The following RCC2 variants were observed in gnomAD, a reference collection of about 807,000 sequenced individuals.
The protein encoded by RCC2 is protein RCC2.
Under a neutral mutation model 64.1 loss-of-function variants are expected in RCC2, and 19 were observed. The ratio of observed to expected loss-of-function variants is 0.30; its 90% CI spans 0.21 to 0.44. RCC2 has a LOEUF of 0.44. Ranked by LOEUF, RCC2 falls within the 20% of genes least tolerant of loss-of-function variation. The pLI, the probability that RCC2 is intolerant of heterozygous loss-of-function variation, is 1.00. For missense variants in RCC2, 508 were observed against 710.4 expected (o/e 0.72, Z 3.24); for synonymous variants, 325 against 279.6 (o/e 1.16, Z -1.62).
intron 2 of RCC2, among the ~76,000 whole-genome samples, chr1:17,430,700 A>C (rs1403526503): frequency 6.6e-6 from 1 of 151,942 alleles, no homozygotes; most frequent in Non-Finnish European, 1.5e-5. Flanking sequence ...AGGTAGAAGA[A>C]TCCCTTGAAC....
intron 3 of RCC2, among the ~76,000 whole-genome samples, chr1:17,428,435 C>T (rs2075642197): frequency 6.6e-6 from 1 of 152,106 alleles, no homozygotes; most frequent in African/African-American, 2.4e-5. Context: ...TTTAAGGTGC[C>T]AAGACGAGCC....
chr1:17,423,341 T>C (rs184012286), intron 4 of RCC2, among the ~76,000 whole-genome samples: 3 of 152,352 alleles, frequency 2.0e-5, no homozygotes, highest in African/African-American at 7.2e-5. Context: ...TTTTCTACCC[T>C]GTAAATGGTG....
Position 17,416,490 on chromosome 1 carries a change from G to C in RCC2, c.1016C>G (p.Ala339Gly). ...AAAGCCGAGCCTCACCGTGTGGTTA[G>C]CGCCACAGGCCACGTCTCGTACAAC... ...NVVVRDVACG[A>G]NHTLVLDSQK... Residue 339 changes from alanine (A) to glycine (G), a missense_variant, in exon 8 of 13, where the codon GCT becomes GGT. This residue lies in a region of RCC2 where 179 missense variants were observed against 322.0 expected (regional missense o/e 0.56). Transcript: ENST00000375436. 1 of 1,610,634 alleles carries C rather than the reference G, an allele frequency of 6.2e-7. No homozygotes were observed. Among genetic ancestry groups the C allele is most frequent in the Non-Finnish European group, 8.5e-7 (1 of 1,178,036 alleles).
At chr1:17,424,554 G>C (rs1402183310) in intron 4 of RCC2, among the ~76,000 whole-genome samples, 2 of 152,198 alleles carry the variant, frequency 1.3e-5, no homozygotes, top group Non-Finnish European at 2.9e-5. Flanking sequence ...ATTTGGGCCA[G>C]ACACACTTTA....
intron 2 of RCC2, among the ~76,000 whole-genome samples, chr1:17,432,395 G>C (rs1334903007): frequency 6.6e-6 from 1 of 152,248 alleles, no homozygotes; most frequent in African/African-American, 2.4e-5. Flanking sequence ...CATGGAGGGG[G>C]CAGTAGAGAC....
At chr1:17,416,728 A>T (rs1165356553) in intron 7 of RCC2, 82 bp from the exon 8 acceptor site, 2 of 1,417,142 alleles carry the variant, frequency 1.4e-6, no homozygotes, top group African/African-American at 2.8e-5. Flanking sequence ...CTCTGTAGTG[A>T]GCCCCGGCAG....
intron 2 of RCC2, among the ~76,000 whole-genome samples, chr1:17,437,638 G>C (rs1323463810): frequency 6.9e-4 from 3 of 4,358 alleles, no homozygotes; most frequent in Non-Finnish European, 6.4e-4. Context: ...CGCTCAGCCG[G>C]GGGGCTTCCC....
intron 2 of RCC2, among the ~76,000 whole-genome samples, chr1:17,437,944 C>A (rs1327510126): frequency 6.9e-6 from 1 of 144,836 alleles, no homozygotes; most frequent in African/African-American, 2.5e-5. Flanking sequence ...CCCCCTCGTG[C>A]GGGCTTCGGC....
intron 8 of RCC2, among the ~76,000 whole-genome samples, chr1:17,414,649 C>T (rs1224374217): frequency 2.6e-5 from 4 of 151,874 alleles, no homozygotes; most frequent in African/African-American, 4.8e-5. Flanking sequence ...TTCCCCCCCT[C>T]GAGAGGGTCT....
rs111967605 is a variant in RCC2, at chr1:17,438,417, C to G, written c.98G>C (p.Gly33Ala). ...GCGCTCGGGCCGCTCGCGCTTCCTG[C>G]CCGCCGGGCCGCCGCGTTTCCTGGG... Reference protein sequence around the residue: ...AGPRKRGGPAGRKRERPERCS... With the variant: ...AGPRKRGGPAARKRERPERCS... Residue 33 changes from glycine to alanine, a missense_variant, in exon 2 of 13, where the codon GGC becomes GCC. Gly to Ala is a moderately conservative substitution (Grantham distance 60). This residue lies in a region of RCC2 where 195 missense variants were observed against 158.3 expected (regional missense o/e 1.23). Coordinates refer to ENST00000375436, the MANE Select transcript of RCC2 (RefSeq NM_018715.4). 3 of 1,269,472 alleles carry G rather than the reference C, an allele frequency of 2.4e-6. No homozygotes were observed. The highest frequency in any genetic ancestry group is 3.0e-6 in the Non-Finnish European group (3 of 1,011,864). The allele number at this position is 1,269,472 out of a possible 1,614,324, so 78.6% of individuals were successfully genotyped here.
Position 17,409,204 on chromosome 1 carries a change from CA to C in RCC2, c.1465-11del. On this transcript the variant is annotated splice_polypyrimidine_tract_variant and intron_variant, in intron 12 of 12. Transcript: ENST00000375436. ...AGTAGCCCATGGCGACCTGGGGGGACAAATCAGCGTTGGGTGTGCCTGAGGC... is the reference window on the plus strand; with the variant it reads ...AGTAGCCCATGGCGACCTGGGGGGACAATCAGCGTTGGGTGTGCCTGAGGC... 1 of 1,583,570 alleles carries C rather than the reference CA, an allele frequency of 6.3e-7. No individual in the cohort carries two copies. The highest frequency in any genetic ancestry group is 8.7e-7 in the Non-Finnish European group (1 of 1,152,062).
chr1:17,437,433 C>T (rs1239316571), intron 2 of RCC2, among the ~76,000 whole-genome samples: 4 of 151,724 alleles, frequency 2.6e-5, no homozygotes, highest in South Asian at 2.1e-4. Context: ...CGGCAGATGC[C>T]GGGTTCAGAT....
chr1:17,415,212 C>A (rs1023712825), intron 8 of RCC2, among the ~76,000 whole-genome samples: 2 of 152,234 alleles, frequency 1.3e-5, no homozygotes. Context: ...ACTGAAATCT[C>A]CTACCCTAGT....
intron 8 of RCC2, among the ~76,000 whole-genome samples, chr1:17,414,572 A>C (rs1425310816): frequency 2.0e-5 from 3 of 151,706 alleles, no homozygotes; most frequent in East Asian, 3.9e-4. Flanking sequence ...AACACAACAA[A>C]AAAAAAACAG....
intron 2 of RCC2, among the ~76,000 whole-genome samples, chr1:17,435,433 A>G (rs1423715426): frequency 6.6e-6 from 1 of 152,224 alleles, no homozygotes; most frequent in Non-Finnish European, 1.5e-5. Flanking sequence ...TCAGTAAAAA[A>G]GGTTCTTTCT....
At chr1:17,422,990 C>T (rs1183889990) in intron 4 of RCC2, among the ~76,000 whole-genome samples, 154 bp from the exon 5 acceptor site, 1 of 152,104 alleles carries the variant, frequency 6.6e-6, no homozygotes, top group African/African-American at 2.4e-5. Context: ...GAGCAAAGAA[C>T]GCCCCGGCCC....
rs1054500462 is a variant in RCC2, at chr1:17,429,334, CAG to C, written c.286-137_286-136del. The C allele has an allele frequency of 9.0e-5, 62 of 690,732 alleles. 1 individual carries two copies. Among genetic ancestry groups the C allele is most frequent in the Middle Eastern group, 7.0e-4 (2 of 2,842 alleles). The allele number at this position is 690,732 out of a possible 1,614,324, so 42.8% of individuals were successfully genotyped here. Reference sequence around the variant, plus strand: ...ATGTCACCTGTGACCTCCACACGAACAGAGTCTCCCCACACTCCCCTCCCTCA... The same window carrying C: ...ATGTCACCTGTGACCTCCACACGAACAGTCTCCCCACACTCCCCTCCCTCA... On this transcript the variant is annotated intron_variant, in intron 2 of 12. Transcript: ENST00000375436.
At chr1:17,416,199 G>A (rs573936881) in intron 8 of RCC2, among the ~76,000 whole-genome samples, 2 of 152,062 alleles carry the variant, frequency 1.3e-5, no homozygotes, top group East Asian at 3.9e-4. Context: ...GCCAAAAGCA[G>A]AAAGTGCTTA....
chr1:17,422,866 G>GA (rs1557627738), intron 4 of RCC2, 30 bp from the exon 5 acceptor site: 2 of 1,612,926 alleles, frequency 1.2e-6, no homozygotes, highest in African/African-American at 2.7e-5. Flanking sequence ...AAGTAGAAAA[G>GA]AGAGAGGGTG....
Sources: gnomAD v4.1 joint callset for allele counts (sites outside exome capture counted in the v4.1 genomes callset) on GRCh38, gnomAD v4.1.1 for gene constraint, gnomAD v4.1.1 regional missense constraint, MANE v1.5 for transcripts, NCBI Gene and HGNC (gene_info 2026-07-23, HGNC 2026-07-21) for gene names.